DNAH14: variants seen among roughly 807,000 people sequenced by gnomAD.
DNAH14 encodes the protein dynein axonemal heavy chain 14.
Under a neutral mutation model 520.9 loss-of-function variants are expected in DNAH14, and 478 were observed. The observed-to-expected ratio is 0.92, with a 90% CI of 0.85 to 0.99. DNAH14 has a LOEUF of 0.99. Ranked by LOEUF, DNAH14 falls within the 50% of genes least tolerant of loss-of-function variation. The pLI is 0.00. For missense variants in DNAH14, 4,831 were observed against 5,234.5 expected (o/e 0.92, Z 2.38); for synonymous variants, 1,581 against 1,757.2 (o/e 0.90, Z 2.51).
At chr1:225,065,273 T>C (rs765448914) in intron 17 of DNAH14, among the ~76,000 whole-genome samples, 3 of 151,932 alleles carry the variant, frequency 2.0e-5, no homozygotes, top group Non-Finnish European at 4.4e-5. Context: ...TACAAAGTGA[T>C]GTAATGATTT....
Position 225,250,505 on chromosome 1 carries a change from G to A in DNAH14, c.6749-1796G>A, listed in dbSNP as rs371388282. The A allele has an allele frequency of 3.5e-4, 144 of 417,150 alleles. 1 individual carries two copies. Among genetic ancestry groups the A allele is most frequent in the African/African-American group, 2.6e-3 (129 of 48,818 alleles). 25.8% of individuals were successfully genotyped at this position (417,150 alleles called of 1,614,324 possible). ...CAAAGAAGAATATACAACAGAGATC[G>A]TATGTGGCGTGCTGTTTTAACCATA... On this transcript the variant is annotated intron_variant, in intron 43 of 85. Transcript: ENST00000682510.
chr1:225,374,145 CTATATA>C (rs71170080), intron 77 of DNAH14, among the ~76,000 whole-genome samples: 1,207 of 33,010 alleles, frequency 0.037, 111 homozygotes, highest in East Asian at 0.069. Flanking sequence ...TTGTGTCTTA[CTATATA>C]TATATATATA....
rs550602613 is a variant in DNAH14, at chr1:225,086,305, T to C, written c.3573+516T>C. 6.6e-5 allele frequency among the ~76,000 whole-genome samples: 4 copies of C among 60,246 alleles called. No homozygotes were observed. In the East Asian group the frequency reaches 1.6e-3, roughly 24 times the overall value. 39.5% of individuals were successfully genotyped at this position (60,246 alleles called of 152,430 possible). ...CCGCCACGACGCCCGGCTAATTGTT[T>C]GTATTTTTTTAGTAGAGACGGGATT... On this transcript the variant is annotated intron_variant, in intron 21 of 85. Transcript: ENST00000682510.
At chr1:224,933,616 T>G (rs1160056390) in intron 1 of DNAH14, among the ~76,000 whole-genome samples, 3 of 152,122 alleles carry the variant, frequency 2.0e-5, no homozygotes, top group Admixed American at 2.0e-4. Context: ...ATGCCTGGTT[T>G]GTTGAGAGTT....
intron 40 of DNAH14, among the ~76,000 whole-genome samples, chr1:225,206,580 T>C (rs946401735): frequency 2.0e-5 from 3 of 152,200 alleles, no homozygotes; most frequent in African/African-American, 7.2e-5. Flanking sequence ...ATGAAGTTAT[T>C]AGCTATAGTC....
chr1:225,217,387 T>C (rs900444209), intron 41 of DNAH14, among the ~76,000 whole-genome samples: 4 of 152,132 alleles, frequency 2.6e-5, no homozygotes, highest in Admixed American at 2.0e-4. Flanking sequence ...TGTTCTCAGA[T>C]CTCAAACTCC....
intron 43 of DNAH14, among the ~76,000 whole-genome samples, chr1:225,241,193 A>G (rs1378088512): frequency 6.6e-6 from 1 of 152,100 alleles, no homozygotes; most frequent in Non-Finnish European, 1.5e-5. Flanking sequence ...AAAAAATCCA[A>G]ATTATTTTAT....
intron 31 of DNAH14, among the ~76,000 whole-genome samples, chr1:225,148,144 A>G (rs909190800): frequency 6.6e-6 from 1 of 152,148 alleles, no homozygotes; most frequent in African/African-American, 2.4e-5. Flanking sequence ...CTTTGGGTAT[A>G]TAGCCAGTAA....
chr1:225,272,766 A>C (rs970442956), intron 51 of DNAH14, among the ~76,000 whole-genome samples, 189 bp from the exon 52 acceptor site: 2 of 151,874 alleles, frequency 1.3e-5, no homozygotes, highest in African/African-American at 2.4e-5. Flanking sequence ...TTCCATACCA[A>C]TTTTCCCTAT....
chr1:225,232,268 G>GAT lies in DNAH14; in HGVS notation c.6518+1129_6518+1130dup, dbSNP rs879888830. On this transcript the variant is annotated intron_variant, in intron 42 of 85. Coordinates refer to ENST00000682510, the MANE Select transcript of DNAH14 (RefSeq NM_001367479.1). This position sits in a 1 kb window ranked among gnomAD's most constrained non-coding sequence, Gnocchi z 4.2. ...CATTGTCATTATATATATAAACTGTGATATATATATATACACACACACACA... is the reference window on the plus strand; with the variant it reads ...CATTGTCATTATATATATAAACTGTGATATATATATATATACACACACACACA... Among the ~76,000 whole-genome samples the GAT allele has an allele frequency of 1.3e-3, 189 of 141,780 alleles. No homozygotes were observed. The highest frequency in any genetic ancestry group is 4.4e-3 in the African/African-American group (167 of 37,544). 93.0% of individuals were successfully genotyped at this position (141,780 alleles called of 152,430 possible). A position where few individuals can be genotyped will look rare whatever the true frequency, so the allele number is the denominator to read the frequency against.
chr1:225,180,275 G>A lies in DNAH14; in HGVS notation c.5536-5016G>A, dbSNP rs1047507578. Reference sequence around the variant, plus strand: ...GCTCTTTTGATGCTGTTCCACAGACGTCATGAGCATCCTTCATTCAATTTC... The same window carrying A: ...GCTCTTTTGATGCTGTTCCACAGACATCATGAGCATCCTTCATTCAATTTC... On this transcript the variant is annotated intron_variant, in intron 36 of 85. Coordinates refer to ENST00000682510, the MANE Select transcript of DNAH14 (RefSeq NM_001367479.1). Among the ~76,000 whole-genome samples the A allele has an allele frequency of 2.0e-5, 3 of 152,248 alleles. No individual in the cohort carries two copies. In the South Asian group the frequency reaches 6.2e-4, roughly 32 times the overall value.
Position 225,336,003 on chromosome 1 carries a change from A to G in DNAH14, c.10081-1263A>G, listed in dbSNP as rs556148411. 5.9e-3 allele frequency among the ~76,000 whole-genome samples: 506 copies of G among 85,236 alleles called. 2 individuals are homozygous for G. Among genetic ancestry groups the G allele is most frequent in the Middle Eastern group, 0.027 (2 of 74 alleles). The allele number at this position is 85,236 out of a possible 152,430, so 55.9% of individuals were successfully genotyped here. A position where few individuals can be genotyped will look rare whatever the true frequency, so the allele number is the denominator to read the frequency against. ...TGTGTATATACACACATATGCATATATGTATACGCATATATGCATATATGT... is the reference window on the plus strand; with the variant it reads ...TGTGTATATACACACATATGCATATGTGTATACGCATATATGCATATATGT... On this transcript the variant is annotated intron_variant, in intron 66 of 85. Transcript: ENST00000682510.
intron 55 of DNAH14, among the ~76,000 whole-genome samples, chr1:225,296,105 C>T (rs2094000688): frequency 6.6e-6 from 1 of 152,116 alleles, no homozygotes; most frequent in Non-Finnish European, 1.5e-5. Context: ...TTTTCTATCC[C>T]TTCACTGTCA....
At chr1:225,072,965 C>T (rs1046418279) in intron 17 of DNAH14, among the ~76,000 whole-genome samples, 4 of 152,074 alleles carry the variant, frequency 2.6e-5, no homozygotes, top group African/African-American at 9.7e-5. Flanking sequence ...GTGGTCTCAT[C>T]CAGTCATGAG....
At chr1:225,167,298 A>C (rs2082123812) in intron 35 of DNAH14, among the ~76,000 whole-genome samples, 1 of 152,226 alleles carries the variant, frequency 6.6e-6, no homozygotes. Flanking sequence ...GAGAAAGAAA[A>C]GATAAATCCC....
At chr1:224,953,279 C>A (rs926343799) in intron 2 of DNAH14, among the ~76,000 whole-genome samples, 1 of 152,068 alleles carries the variant, frequency 6.6e-6, no homozygotes, top group Non-Finnish European at 1.5e-5. Flanking sequence ...CCCACTACCA[C>A]ACCTGGCTAA....
chr1:225,241,768 T>C (rs941059124), intron 43 of DNAH14, among the ~76,000 whole-genome samples: 1 of 152,192 alleles, frequency 6.6e-6, no homozygotes, highest in African/African-American at 2.4e-5. Flanking sequence ...ATTTAAAATA[T>C]GGTACACCTG....
At chr1:225,374,654 A>G in intron 77 of DNAH14, 34 bp from the exon 78 acceptor site, 1 of 1,490,294 alleles carries the variant, frequency 6.7e-7, no homozygotes, top group Non-Finnish European at 9.0e-7. Flanking sequence ...GGAAACACAT[A>G]CTGAAATAAT....
chr1:225,158,467 C>G (rs2081242676), intron 34 of DNAH14, among the ~76,000 whole-genome samples: 1 of 152,158 alleles, frequency 6.6e-6, no homozygotes, highest in Non-Finnish European at 1.5e-5. Context: ...AGGACACCTT[C>G]TAATAATAAC....
Sources: allele counts gnomAD v4.1 joint callset (sites outside exome capture counted in the v4.1 genomes callset), GRCh38; gene constraint gnomAD v4.1.1; non-coding constraint Gnocchi (gnomAD v3.1); transcripts MANE v1.5; gene names NCBI Gene and HGNC (gene_info 2026-07-23, HGNC 2026-07-21).